The following GZF1 variants were observed in gnomAD, a reference collection of about 807,000 sequenced individuals.
GZF1 encodes the protein GDNF inducible zinc finger protein 1.
GZF1 carries 28 observed loss-of-function variants against 49.4 expected under a neutral mutation model. That is an observed-to-expected ratio of 0.57 (90% CI 0.42 to 0.78). The LOEUF (loss-of-function observed/expected upper bound fraction) is 0.78, where lower values mean the gene tolerates loss of function less well. GZF1 is among the 30% of genes least tolerant of loss of function. The pLI is 0.00. For synonymous variants in GZF1, 364 were observed against 356.0 expected (o/e 1.02, Z -0.25); for missense variants, 798 against 916.2 (o/e 0.87, Z 1.67).
Position 23,368,757 on chromosome 20 carries a change from T to G in GZF1, c.1460-5T>G. ...TTTATGACTTTATTTCATTTTCTCA[T>G]GTAGGTGAAAGACCTTTTATGTGTG... On this transcript the variant is annotated splice_polypyrimidine_tract_variant and splice_region_variant and intron_variant, in intron 3 of 5. Transcript: ENST00000338121. 6.3e-7 allele frequency: 1 copy of G among 1,597,974 alleles called. No individual in the cohort carries two copies. The highest frequency in any genetic ancestry group is 8.5e-7 in the Non-Finnish European group (1 of 1,171,862).
chr20:23,363,588 GT>G (rs1980944952), intron 1 of GZF1, among the ~76,000 whole-genome samples: 1 of 152,206 alleles, frequency 6.6e-6, no homozygotes, highest in African/African-American at 2.4e-5. Context: ...ACCTTGATAG[GT>G]CCTCATCTAT....
chr20:23,367,155 T>C, intron 3 of GZF1, 58 bp downstream of exon 3: 2 of 1,242,974 alleles, frequency 1.6e-6, no homozygotes, highest in Non-Finnish European at 2.3e-6. Context: ...GGAAATGCAA[T>C]TGATTAATTT....
intron 3 of GZF1, among the ~76,000 whole-genome samples, chr20:23,367,674 TAAG>T (rs1981559419): frequency 6.6e-6 from 1 of 152,186 alleles, no homozygotes; most frequent in Admixed American, 6.5e-5. Flanking sequence ...CAGAAGAAAA[TAAG>T]TTGTTATATG....
chr20:23,367,678 T>C (rs1431523606), intron 3 of GZF1, among the ~76,000 whole-genome samples: 1 of 152,224 alleles, frequency 6.6e-6, no homozygotes, highest in Non-Finnish European at 1.5e-5. Flanking sequence ...AGAAAATAAG[T>C]TGTTATATGA....
intron 3 of GZF1, among the ~76,000 whole-genome samples, chr20:23,367,742 TATTA>T (rs897117449): frequency 1.1e-4 from 17 of 152,338 alleles, no homozygotes; most frequent in East Asian, 5.8e-4. Context: ...CTTTATGATT[TATTA>T]ATTATGTGAC....
chr20:23,364,091 A>G (rs6137909), intron 1 of GZF1, among the ~76,000 whole-genome samples: 37,866 of 152,204 alleles, frequency 0.25, 5,406 homozygotes, highest in Middle Eastern at 0.36. Context: ...GTGTTAATGT[A>G]TTTCACTAAT....
intron 4 of GZF1, 76 bp from the exon 5 acceptor site, chr20:23,369,508 C>G (rs1981812220): frequency 7.5e-7 from 1 of 1,324,980 alleles, no homozygotes; most frequent in Non-Finnish European, 1.0e-6. Flanking sequence ...CAGCATCATT[C>G]ACTCAAGTGT....
In GZF1 at chr20:23,365,331, C is replaced by T. The variant is rs962198430; in HGVS notation, c.948C>T (p.Asn316=). The T allele has an allele frequency of 3.1e-6, 5 of 1,610,012 alleles. No individual in the cohort carries two copies. Among genetic ancestry groups the T allele is most frequent in the Non-Finnish European group, 4.2e-6 (5 of 1,177,550 alleles). Residue 316 remains asparagine, a synonymous_variant, in exon 2 of 6, where the codon AAC becomes AAT. Transcript: ENST00000338121. ...AAGAAGGGGAGAAGAAGAAGAGCAA[C>T]TTTAAGTGCAGCATTTGCGAGAAGG... ...EDEEGEKKKS[N]FKCSICEKAF... is the part of the protein sequence containing the mutation.
intron 1 of GZF1, chr20:23,362,613 G>A (rs1980809224): frequency 6.6e-6 from 1 of 152,268 alleles, no homozygotes; most frequent in African/African-American, 2.4e-5. Flanking sequence ...CTGGGCTGCG[G>A]GTAGCAGCGT....
Position 23,370,529 on chromosome 20 carries a change from G to A in GZF1, c.*88G>A, listed in dbSNP as rs1347776872. 4.6e-6 allele frequency: 4 copies of A among 873,616 alleles called. No individual in the cohort carries two copies. The highest frequency in any genetic ancestry group is 3.4e-5 in the African/African-American group (2 of 58,664). The allele number at this position is 873,616 out of a possible 1,614,324, so 54.1% of individuals were successfully genotyped here. A position where few individuals can be genotyped will look rare whatever the true frequency, so the allele number is the denominator to read the frequency against. ...GGGGCTAAGAAAAATAATTGTCCAT[G>A]TGCAAAGATGTGGGCAAGAATGGCC... is the stretch of plus-strand genomic sequence containing the variant. On this transcript the variant is annotated 3_prime_UTR_variant, in exon 6 of 6. Coordinates refer to ENST00000338121, the MANE Select transcript of GZF1 (RefSeq NM_022482.5).
intron 5 of GZF1, 100 bp from the exon 6 acceptor site, chr20:23,369,991 G>A: frequency 9.2e-7 from 1 of 1,085,106 alleles, no homozygotes; most frequent in East Asian, 2.5e-5. Context: ...GTACTTATTA[G>A]TGAAAGTTGA....
upstream of GZF1, among the ~76,000 whole-genome samples, chr20:23,361,845 C>T (rs1296472291): frequency 6.6e-6 from 1 of 152,194 alleles, no homozygotes. Flanking sequence ...GGAATGGACG[C>T]GAAAGTGACC....
rs1347597392 is a variant in GZF1, at chr20:23,370,005, T to C, written c.1786-86T>C. 31 of 1,187,074 alleles carry C rather than the reference T, an allele frequency of 2.6e-5. 1 individual carries two copies. The highest frequency in any genetic ancestry group is 7.3e-5 in the East Asian group (3 of 41,272). 73.5% of individuals were successfully genotyped at this position (1,187,074 alleles called of 1,614,324 possible). A position where few individuals can be genotyped will look rare whatever the true frequency, so the allele number is the denominator to read the frequency against. ...GGTACTTATTAGTGAAAGTTGAAAA[T>C]TGAAGTTGTAGAGGGACTATTGTTT... On this transcript the variant is annotated intron_variant, in intron 5 of 5. Coordinates refer to ENST00000338121, the MANE Select transcript of GZF1 (RefSeq NM_022482.5).
At chr20:23,362,812 A>T (rs1342834994) in intron 1 of GZF1, 1 of 152,278 alleles carries the variant, frequency 6.6e-6, no homozygotes, top group African/African-American at 2.4e-5. Flanking sequence ...CAACATAGGA[A>T]ATCGCGCTCA....
intron 1 of GZF1, chr20:23,362,893 G>A (rs1980858501): frequency 6.6e-6 from 1 of 152,302 alleles, no homozygotes. Context: ...GGGAAGTCAG[G>A]GCATCAGGCT....
chr20:23,367,066 C>T lies in GZF1; in HGVS notation c.1428C>T (p.His476=), dbSNP rs1487546611. ...DECGARFTQN[H]MLIYHKRCHT... is the part of the protein sequence containing the mutation. ...GTGGTGCAAGATTCACTCAGAACCA[C>T]ATGCTGATTTATCATAAAAGGTGTC... The change falls in exon 3 of 6, where the codon CAC becomes CAT. Residue 476 remains histidine (H), a synonymous_variant. Transcript: ENST00000338121. The T allele has an allele frequency of 5.0e-6, 8 of 1,612,550 alleles. No homozygotes were observed. Among genetic ancestry groups the T allele is most frequent in the Admixed American group, 1.7e-5 (1 of 60,014 alleles).
rs1982095722 is a variant in GZF1 at position 23,371,721 on chromosome 20, T to TTTAAAAAACATTTAAA, written c.*1280_*1281insTTAAAAAACATTTAAA. 1 of 152,372 alleles carries TTTAAAAAACATTTAAA rather than the reference T, an allele frequency of 6.6e-6. No homozygotes were observed. The highest frequency in any genetic ancestry group is 2.4e-5 in the African/African-American group (1 of 41,462). 9.4% of individuals were successfully genotyped at this position (152,372 alleles called of 1,614,324 possible). A position where few individuals can be genotyped will look rare whatever the true frequency, so the allele number is the denominator to read the frequency against. On this transcript the variant is annotated 3_prime_UTR_variant, in exon 6 of 6. Coordinates refer to ENST00000338121, the MANE Select transcript of GZF1 (RefSeq NM_022482.5). ...CACATGTAACATTTAAACATTAATT[T>TTTAAAAAACATTTAAA]AAAAAGGGAACCTTGGAGAATTCTT...
At position 23,365,283 on chromosome 20, in the gene GZF1, A is replaced by AGAGGAGGAG. The variant is rs750609719; in HGVS notation, c.912_920dup (p.Glu304_Glu306dup). On this transcript the variant is annotated inframe_insertion, in exon 2 of 6. Coordinates refer to ENST00000338121, the MANE Select transcript of GZF1 (RefSeq NM_022482.5). ...CAAAGAAAGCAGGGCCGGAGGAGGA[A>AGAGGAGGAG]GAGGAGGAGGAGGAGGAGGACGAAG... 2 of 1,596,000 alleles carry AGAGGAGGAG rather than the reference A, an allele frequency of 1.3e-6. No individual in the cohort carries two copies. The highest frequency in any genetic ancestry group is 2.8e-5 in the African/African-American group (2 of 72,602).
In GZF1 at chr20:23,365,004, GAAGA is replaced by G; in HGVS notation, c.626_629del (p.Lys209ArgfsTer2). The G allele has an allele frequency of 1.2e-6, 2 of 1,614,216 alleles. No individual in the cohort carries two copies. The highest frequency in any genetic ancestry group is 1.7e-6 in the Non-Finnish European group (2 of 1,180,046). On this transcript the variant is annotated frameshift_variant, in exon 2 of 6. Coordinates refer to ENST00000338121, the MANE Select transcript of GZF1 (RefSeq NM_022482.5). LOFTEE classifies it high-confidence loss of function. ...AGAAGTCCAAGGACAAACTAGACAA[GAAGA>G]AAGAGGTAGTTAAACCTCCCTACCC...
Sources: allele counts gnomAD v4.1 joint callset (sites outside exome capture counted in the v4.1 genomes callset), GRCh38; gene constraint gnomAD v4.1.1; transcripts MANE v1.5; gene names NCBI Gene and HGNC (gene_info 2026-07-23, HGNC 2026-07-21).